The following GLTP variants were observed in gnomAD, a reference collection of about 807,000 sequenced individuals.
GLTP encodes the protein glycolipid transfer protein.
A neutral mutation model predicts 24.0 loss-of-function variants in GLTP; 22 were observed. The observed-to-expected ratio is 0.92, with a 90% CI of 0.65 to 1.31. The LOEUF (loss-of-function observed/expected upper bound fraction) is 1.31, where lower values mean the gene tolerates loss of function less well. Ranked by LOEUF, GLTP falls within the 50% of genes most tolerant of loss-of-function variation. The pLI is 0.00. For missense variants in GLTP, 224 were observed against 276.6 expected (o/e 0.81, Z 1.35); for synonymous variants, 92 against 115.9 (o/e 0.79, Z 1.33).
rs745845815 is a variant in GLTP, at chr12:109,855,670, G to A, written c.396C>T (p.Tyr132=). 11 of 1,606,638 alleles carry A rather than the reference G, an allele frequency of 6.8e-6. No individual in the cohort carries two copies. The highest frequency in any genetic ancestry group is 1.7e-4 in the Middle Eastern group (1 of 6,040). ...NLIRVNATKA[Y]EMALKKYHGW... Reference sequence around the variant, plus strand: ...CATGGTACTTCTTGAGGGCCATCTCGTAGGCCTTGGTGGCGTTGACACGGA... The same window carrying A: ...CATGGTACTTCTTGAGGGCCATCTCATAGGCCTTGGTGGCGTTGACACGGA... Residue 132 remains tyrosine (Y), a synonymous_variant, in exon 4 of 5, where the codon TAC becomes TAT. Coordinates refer to ENST00000318348, the MANE Select transcript of GLTP (RefSeq NM_016433.4). The surrounding 1 kb of genome is among the most constrained non-coding windows in gnomAD (Gnocchi z 4.1).
chr12:109,862,177 G>A (rs1868381954), intron 1 of GLTP, among the ~76,000 whole-genome samples: 1 of 152,162 alleles, frequency 6.6e-6, no homozygotes, highest in Admixed American at 6.5e-5. Context: ...CGCCAGGGGT[G>A]CGGGCAAAGA....
intron 1 of GLTP, among the ~76,000 whole-genome samples, chr12:109,871,047 A>G (rs1868703488): frequency 1.3e-5 from 2 of 151,852 alleles, no homozygotes; most frequent in African/African-American, 4.8e-5. Context: ...TACTGAAACA[A>G]TGAAACCTAA....
chr12:109,874,113 C>T (rs1193244643), intron 1 of GLTP, among the ~76,000 whole-genome samples: 1 of 152,142 alleles, frequency 6.6e-6, no homozygotes, highest in Non-Finnish European at 1.5e-5. Flanking sequence ...AGAGAGAAAG[C>T]CAGGACAGCA....
chr12:109,871,145 G>A (rs1038213489), intron 1 of GLTP, among the ~76,000 whole-genome samples: 2 of 143,692 alleles, frequency 1.4e-5, no homozygotes, highest in African/African-American at 2.6e-5. Flanking sequence ...GAGTAGTGGC[G>A]TGATCTCGAC....
Position 109,852,743 on chromosome 12 carries a change from G to C in GLTP, c.448-6C>G. On this transcript the variant is annotated splice_region_variant and splice_polypyrimidine_tract_variant and intron_variant, in intron 4 of 4. Coordinates refer to ENST00000318348, the MANE Select transcript of GLTP (RefSeq NM_016433.4). ...GGTGCTGCGTACAGTGCTGCCTTGA[G>C]ACAGGCAAGAAGGGAGGTAGGCACA... The C allele has an allele frequency of 6.2e-7, 1 of 1,604,898 alleles. No individual in the cohort carries two copies. The highest frequency in any genetic ancestry group is 8.5e-7 in the Non-Finnish European group (1 of 1,172,418).
At chr12:109,876,060 C>T (rs1019948360) in intron 1 of GLTP, among the ~76,000 whole-genome samples, 2 of 152,132 alleles carry the variant, frequency 1.3e-5, no homozygotes, top group East Asian at 1.9e-4. Context: ...ATGATACAAT[C>T]GGCCAGGTGC....
At chr12:109,864,543 C>T (rs1868464458) in intron 1 of GLTP, among the ~76,000 whole-genome samples, 1 of 152,168 alleles carries the variant, frequency 6.6e-6, no homozygotes, top group African/African-American at 2.4e-5. Flanking sequence ...TTCAACATCA[C>T]CCACCCAAGG....
At position 109,852,508 on chromosome 12, in the gene GLTP, T is replaced by G. The variant is rs752875741; in HGVS notation, c.*47A>C. On this transcript the variant is annotated 3_prime_UTR_variant, in exon 5 of 5. Transcript: ENST00000318348. ...TTCACAGTGATTCTGGTTTGCCTGT[T>G]TCTCCATGTGGCCACGAGTCGGGGA... 2.4e-6 allele frequency: 3 copies of G among 1,268,258 alleles called. No individual in the cohort carries two copies. Among genetic ancestry groups the G allele is most frequent in the Non-Finnish European group, 3.4e-6 (3 of 879,654 alleles). The allele number at this position is 1,268,258 out of a possible 1,614,324, so 78.6% of individuals were successfully genotyped here. A position where few individuals can be genotyped will look rare whatever the true frequency, so the allele number is the denominator to read the frequency against.
At chr12:109,876,520 G>A (rs1311230663) in intron 1 of GLTP, among the ~76,000 whole-genome samples, 4 of 149,516 alleles carry the variant, frequency 2.7e-5, no homozygotes, top group Middle Eastern at 3.4e-3. Flanking sequence ...GAAAGAAAGA[G>A]GGAGGGAGGG....
At chr12:109,861,210 T>C (rs1308355905) in intron 1 of GLTP, among the ~76,000 whole-genome samples, 6 of 152,140 alleles carry the variant, frequency 3.9e-5, no homozygotes, top group Non-Finnish European at 5.9e-5. Context: ...TGGCCAGCCA[T>C]CTGGAACATT....
intron 1 of GLTP, among the ~76,000 whole-genome samples, chr12:109,864,171 T>C (rs1868449210): frequency 6.6e-6 from 1 of 152,042 alleles, no homozygotes; most frequent in South Asian, 2.1e-4. Flanking sequence ...GCTGGGAGCC[T>C]AGCAGAAGAG....
intron 2 of GLTP, chr12:109,858,042 G>A: frequency 2.3e-6 from 1 of 442,680 alleles, no homozygotes; most frequent in Non-Finnish European, 4.5e-6. Flanking sequence ...TGGTGGACAA[G>A]TGGAAATAGG....
intron 1 of GLTP, among the ~76,000 whole-genome samples, chr12:109,872,355 G>A (rs1012709960): frequency 3.1e-5 from 4 of 128,738 alleles, no homozygotes; most frequent in Middle Eastern, 4.5e-3. Context: ...AAGCCACCTC[G>A]GGGCCTCTCA....
intron 1 of GLTP, among the ~76,000 whole-genome samples, chr12:109,865,037 T>C (rs1179320039): frequency 6.6e-6 from 1 of 152,182 alleles, no homozygotes; most frequent in Admixed American, 6.5e-5. Flanking sequence ...TTCAAGCCTG[T>C]GCCTGCTCTG....
chr12:109,853,419 G>A (rs1364827437), intron 4 of GLTP, among the ~76,000 whole-genome samples: 2 of 152,040 alleles, frequency 1.3e-5, no homozygotes, highest in Non-Finnish European at 2.9e-5. Context: ...AGCCAAGCAC[G>A]GTGGCTCATG....
At position 109,857,422 on chromosome 12, in the gene GLTP, C is replaced by T. The variant is rs747096873; in HGVS notation, c.296+104G>A. The T allele has an allele frequency of 1.4e-5, 18 of 1,306,176 alleles. No individual in the cohort carries two copies. Among genetic ancestry groups the T allele is most frequent in the Admixed American group, 9.7e-5 (5 of 51,714 alleles). The allele number at this position is 1,306,176 out of a possible 1,614,324, so 80.9% of individuals were successfully genotyped here. A position where few individuals can be genotyped will look rare whatever the true frequency, so the allele number is the denominator to read the frequency against. On this transcript the variant is annotated intron_variant, in intron 3 of 4. Coordinates refer to ENST00000318348, the MANE Select transcript of GLTP (RefSeq NM_016433.4). The surrounding 1 kb of genome is among the most constrained non-coding windows in gnomAD (Gnocchi z 4.3). ...TAACTAGCATCACACTGGAAGGGCT[C>T]GGAAGTGACCTTCCCAGCCTGAGCT...
chr12:109,859,085 C>T (rs377067791), intron 1 of GLTP, among the ~76,000 whole-genome samples: 1 of 152,216 alleles, frequency 6.6e-6, no homozygotes, highest in African/African-American at 2.4e-5. Context: ...GACAGGGTCT[C>T]GCTCTGTCAC....
intron 1 of GLTP, among the ~76,000 whole-genome samples, chr12:109,871,648 G>A (rs572779227): frequency 6.6e-6 from 1 of 152,280 alleles, no homozygotes; most frequent in African/African-American, 2.4e-5. Flanking sequence ...TCTGGAAAAT[G>A]GTGCCAAATT....
intron 2 of GLTP, chr12:109,858,089 C>G: frequency 6.5e-6 from 3 of 458,760 alleles, no homozygotes. Flanking sequence ...ACGAAGGCCT[C>G]TGAGATGGAG....
Sources: gnomAD v4.1 joint callset for allele counts (sites outside exome capture counted in the v4.1 genomes callset) on GRCh38, gnomAD v4.1.1 for gene constraint, Gnocchi (gnomAD v3.1) non-coding constraint, MANE v1.5 for transcripts, NCBI Gene and HGNC (gene_info 2026-07-23, HGNC 2026-07-21) for gene names.